The following GPHN variants were observed in gnomAD, a reference collection of about 807,000 sequenced individuals.
GPHN encodes gephyrin.
In GPHN, 17 loss-of-function variants were observed where a neutral mutation model predicts 95.5. That is an observed-to-expected ratio of 0.18 (90% CI 0.12 to 0.27). GPHN has a LOEUF of 0.27. Among genes scored for constraint, GPHN ranks in the 10% least tolerant of loss-of-function variants. The probability of loss-of-function intolerance (pLI) is 1.00; values close to 1 mark genes in which losing one functional copy is unlikely to be tolerated. For missense variants in GPHN, 660 were observed against 978.1 expected (o/e 0.67, Z 4.34); for synonymous variants, 320 against 322.5 (o/e 0.99, Z 0.08).
At chr14:67,571,922 G>A in the GPHN span, 5 of 1,593,686 alleles carry the variant, frequency 3.1e-6, no homozygotes, top group Admixed American at 1.8e-5. Flanking sequence ...AGGGGAGCAG[G>A]GGCAGGGTGC....
At chr14:67,194,461 C>T in the GPHN span, among the ~76,000 whole-genome samples, 3 of 151,790 alleles carry the variant, frequency 2.0e-5, no homozygotes, top group African/African-American at 7.3e-5. Flanking sequence ...GTGCTGTGGC[C>T]AAAATGATGG....
chr14:66,778,861 G>C (rs569787535), intron 3 of GPHN, among the ~76,000 whole-genome samples: 1 of 148,182 alleles, frequency 6.7e-6, no homozygotes, highest in African/African-American at 2.5e-5. Context: ...TCAGCCTCCC[G>C]AGTAGCTTGG....
chr14:66,826,094 A>G (rs1740433300), intron 4 of GPHN, among the ~76,000 whole-genome samples: 1 of 152,178 alleles, frequency 6.6e-6, no homozygotes, highest in Non-Finnish European at 1.5e-5. Flanking sequence ...ATTTTTTCAT[A>G]ACAGAAAAAT....
chr14:66,973,485 G>A (rs1044617488), intron 9 of GPHN, among the ~76,000 whole-genome samples: 13 of 152,192 alleles, frequency 8.5e-5, no homozygotes, highest in Non-Finnish European at 1.2e-4. Context: ...TAGGCCAGAC[G>A]TGGTGGCTCA....
At chr14:66,697,438 A>G (rs2068174493) in intron 2 of GPHN, among the ~76,000 whole-genome samples, 1 of 152,206 alleles carries the variant, frequency 6.6e-6, no homozygotes, top group African/African-American at 2.4e-5. Flanking sequence ...ATTGTTGTAT[A>G]TAAGAATGTT....
chr14:66,967,094 A>G (rs1413007147), intron 9 of GPHN, among the ~76,000 whole-genome samples: 3 of 151,920 alleles, frequency 2.0e-5, no homozygotes, highest in African/African-American at 4.8e-5. Context: ...AAAGCATTAT[A>G]TCTTTTTCTA....
chr14:67,010,868 G>A (rs2072958162), intron 9 of GPHN, among the ~76,000 whole-genome samples: 1 of 152,040 alleles, frequency 6.6e-6, no homozygotes, highest in Admixed American at 6.6e-5. Flanking sequence ...AGCATTCTCA[G>A]TTCAATAAAT....
At chr14:66,578,882 T>TA (rs1254762664) in intron 1 of GPHN, among the ~76,000 whole-genome samples, 1 of 151,704 alleles carries the variant, frequency 6.6e-6, no homozygotes, top group Non-Finnish European at 1.5e-5. Context: ...CATATAAATG[T>TA]AAAAAATTCA....
intron 2 of GPHN, among the ~76,000 whole-genome samples, chr14:66,767,760 A>C (rs1002337919): frequency 7.2e-5 from 11 of 152,076 alleles, no homozygotes; most frequent in African/African-American, 2.6e-4. Context: ...GCCACAGTTA[A>C]ATAGCATACA....
At chr14:66,986,032 G>A (rs2071007316) in intron 9 of GPHN, among the ~76,000 whole-genome samples, 2 of 151,996 alleles carry the variant, frequency 1.3e-5, no homozygotes. Flanking sequence ...AGAATAAACC[G>A]TTCCTCTGAT....
chr14:67,128,787 T>G (rs991885528), intron 17 of GPHN, among the ~76,000 whole-genome samples: 1 of 150,586 alleles, frequency 6.6e-6, no homozygotes, highest in East Asian at 2.0e-4. Flanking sequence ...ATACAAAAAT[T>G]AGCCGGGCGT....
the GPHN span, chr14:67,645,698 GTC>G: frequency 6.2e-7 from 1 of 1,614,002 alleles, no homozygotes; most frequent in Non-Finnish European, 8.5e-7. Flanking sequence ...CCTTTGTGTT[GTC>G]TGGGTTGATG....
chr14:67,534,605 C>T, the GPHN span, among the ~76,000 whole-genome samples: 1 of 152,090 alleles, frequency 6.6e-6, no homozygotes, highest in African/African-American at 2.4e-5. Context: ...ATGGTTCAGT[C>T]CACTTCTACC....
intron 4 of GPHN, among the ~76,000 whole-genome samples, chr14:66,827,809 T>G (rs1341327772): frequency 6.6e-6 from 1 of 152,102 alleles, no homozygotes; most frequent in Non-Finnish European, 1.5e-5. Flanking sequence ...TCAGAAATCT[T>G]GAATTTCTGC....
the GPHN span, among the ~76,000 whole-genome samples, chr14:67,599,517 CAG>C: frequency 2.0e-5 from 3 of 152,134 alleles, no homozygotes; most frequent in Non-Finnish European, 2.9e-5. Flanking sequence ...CCTTGAAAAA[CAG>C]AGATTAGGAA....
At chr14:67,429,224 T>C in the GPHN span, among the ~76,000 whole-genome samples, 222 of 148,902 alleles carry the variant, frequency 1.5e-3, 2 homozygotes, top group African/African-American at 5.3e-3. Flanking sequence ...CTGAGGCAAG[T>C]GGACAATTTT....
At chr14:67,349,184 T>G in the GPHN span, 1 of 1,319,002 alleles carries the variant, frequency 7.6e-7, no homozygotes, top group Non-Finnish European at 1.1e-6. Context: ...GTTTTAACAT[T>G]AAATGAGACC....
At chr14:67,500,367 G>A in the GPHN span, among the ~76,000 whole-genome samples, 6 of 151,670 alleles carry the variant, frequency 4.0e-5, no homozygotes, top group Admixed American at 1.3e-4. Flanking sequence ...CCAGCTACTC[G>A]GGAGGCTGAG....
intron 6 of GPHN, among the ~76,000 whole-genome samples, 200 bp downstream of exon 6, chr14:66,916,269 T>C (rs2065894031): frequency 6.6e-6 from 1 of 152,130 alleles, no homozygotes; most frequent in South Asian, 2.1e-4. Context: ...CTTACAGTTA[T>C]GGTTTATTAT....
Sources: gnomAD v4.1 joint callset for allele counts (sites outside exome capture counted in the v4.1 genomes callset) on GRCh38, gnomAD v4.1.1 for gene constraint, MANE v1.5 for transcripts, NCBI Gene and HGNC (gene_info 2026-07-23, HGNC 2026-07-21) for gene names.